DOCK2: variants seen among roughly 807,000 people sequenced by gnomAD.
The protein encoded by DOCK2 is dedicator of cytokinesis protein 2.
A neutral mutation model predicts 248.9 loss-of-function variants in DOCK2; 87 were observed. That is an observed-to-expected ratio of 0.35 (90% CI 0.29 to 0.42). The LOEUF is 0.42. Among genes scored for constraint, DOCK2 ranks in the 10% least tolerant of loss-of-function variants. The pLI is 1.00. For synonymous variants in DOCK2, 805 were observed against 821.6 expected (o/e 0.98, Z 0.35); for missense variants, 1,747 against 2,300.2 (o/e 0.76, Z 4.92).
chr5:169,826,630 C>A (rs1210079425), intron 26 of DOCK2, among the ~76,000 whole-genome samples: 2 of 151,920 alleles, frequency 1.3e-5, no homozygotes, highest in Admixed American at 1.3e-4. Context: ...TGACTCACTG[C>A]GAGTGAGACT....
intron 27 of DOCK2, among the ~76,000 whole-genome samples, chr5:169,903,520 AG>A (rs1774076027): frequency 1.1e-5 from 1 of 89,452 alleles, no homozygotes; most frequent in South Asian, 4.2e-4. Flanking sequence ...AGTAGGAGCC[AG>A]CGGGGGCCGG....
At chr5:169,643,955 G>T (rs1757299892) in intron 1 of DOCK2, among the ~76,000 whole-genome samples, 1 of 152,188 alleles carries the variant, frequency 6.6e-6, no homozygotes, top group South Asian at 2.1e-4. Context: ...TGGAAAGTGG[G>T]TTTTTGCTGC....
intron 44 of DOCK2, among the ~76,000 whole-genome samples, chr5:170,062,919 C>A (rs1334087048): frequency 6.6e-6 from 1 of 152,142 alleles, no homozygotes; most frequent in African/African-American, 2.4e-5. Flanking sequence ...AAATATTAAC[C>A]CACTGGCAGC....
chr5:169,651,474 C>A (rs1757801032), intron 1 of DOCK2, among the ~76,000 whole-genome samples: 1 of 152,146 alleles, frequency 6.6e-6, no homozygotes, highest in South Asian at 2.1e-4. Context: ...AGGAGCTGGT[C>A]ACGGAGTAAC....
intron 13 of DOCK2, among the ~76,000 whole-genome samples, chr5:169,700,943 GAGAAAGAA>G (rs34443091): frequency 3.3e-5 from 5 of 150,270 alleles, no homozygotes; most frequent in Non-Finnish European, 5.9e-5. Context: ...AAAAGAAGGA[GAGAAAGAA>G]AGAAAGAAAG....
At chr5:169,690,885 G>A (rs1037997337) in intron 9 of DOCK2, among the ~76,000 whole-genome samples, 11 of 152,308 alleles carry the variant, frequency 7.2e-5, no homozygotes, top group African/African-American at 2.6e-4. Flanking sequence ...GAGAGCCTTG[G>A]TTGACAGGCT....
chr5:169,676,013 T>A (rs190743796), intron 6 of DOCK2, among the ~76,000 whole-genome samples: 1 of 152,330 alleles, frequency 6.6e-6, no homozygotes, highest in Non-Finnish European at 1.5e-5. Flanking sequence ...TGTCTTTAGC[T>A]GAGCACAGTT....
At chr5:169,997,560 G>A (rs1218490959) in intron 30 of DOCK2, among the ~76,000 whole-genome samples, 1 of 138,272 alleles carries the variant, frequency 7.2e-6, no homozygotes, top group African/African-American at 2.8e-5. Flanking sequence ...CAGTTTTTGT[G>A]TCCCTGGGTA....
At chr5:170,026,030 C>T (rs1331936218) in intron 33 of DOCK2, among the ~76,000 whole-genome samples, 1 of 151,976 alleles carries the variant, frequency 6.6e-6, no homozygotes. Flanking sequence ...GGTATATCTC[C>T]TTCAATAAGT....
intron 27 of DOCK2, among the ~76,000 whole-genome samples, chr5:169,919,368 T>C (rs1387705379): frequency 6.6e-6 from 1 of 152,136 alleles, no homozygotes; most frequent in East Asian, 1.9e-4. Flanking sequence ...CTTCCCTCCA[T>C]AGATGGAAAT....
At chr5:169,759,577 T>A in intron 23 of DOCK2, 128 bp from the exon 24 acceptor site, 2 of 992,570 alleles carry the variant, frequency 2.0e-6, no homozygotes, top group East Asian at 5.2e-5. Context: ...GAGGCTTCCA[T>A]CAATATTGTA....
At chr5:169,851,834 C>G (rs918299119) in intron 27 of DOCK2, among the ~76,000 whole-genome samples, 10 of 152,138 alleles carry the variant, frequency 6.6e-5, no homozygotes, top group African/African-American at 2.4e-4. Context: ...AAGTCACTCA[C>G]TAGCATGAGA....
intron 26 of DOCK2, among the ~76,000 whole-genome samples, chr5:169,822,654 C>T (rs987258625): frequency 6.6e-6 from 1 of 152,002 alleles, no homozygotes; most frequent in South Asian, 2.1e-4. Flanking sequence ...TAAATGCCCA[C>T]AAGAGAAAGC....
chr5:169,961,424 A>G (rs978733405), intron 27 of DOCK2, among the ~76,000 whole-genome samples: 5 of 152,236 alleles, frequency 3.3e-5, no homozygotes, highest in African/African-American at 1.2e-4. Flanking sequence ...CTCTAACAAC[A>G]GTGCAAGAAT....
At chr5:169,882,777 T>C in intron 27 of DOCK2, 2 of 1,551,684 alleles carry the variant, frequency 1.3e-6, no homozygotes, top group South Asian at 2.4e-5. Context: ...GATTACTTCC[T>C]GGACAATTTG....
intron 27 of DOCK2, among the ~76,000 whole-genome samples, chr5:169,916,268 T>C (rs542740780): frequency 3.9e-4 from 59 of 152,316 alleles, no homozygotes; most frequent in African/African-American, 1.4e-3. Context: ...ATTCTAGGTG[T>C]GTTTGTCCAA....
rs147019794 is a variant in DOCK2, at chr5:169,790,569, C to A, written c.2555-12489C>A. On this transcript the variant is annotated intron_variant, in intron 25 of 51. Transcript: ENST00000520908. ...TTTGTTTGAATGATGCAGATAATAG[C>A]TTTAAGTCCACTTTATTCCAGCCTG... 3.9e-4 allele frequency among the ~76,000 whole-genome samples: 60 copies of A among 152,312 alleles called. No individual in the cohort carries two copies. The East Asian group carries it at 0.01, about 26-fold the overall frequency.
chr5:169,827,843 T>C (rs576764608), intron 26 of DOCK2, among the ~76,000 whole-genome samples: 77 of 150,610 alleles, frequency 5.1e-4, no homozygotes, highest in Admixed American at 1.5e-3. Context: ...TTGAAATCAT[T>C]GGTGACAATT....
At chr5:169,673,323 C>T (rs1303725869) in intron 5 of DOCK2, among the ~76,000 whole-genome samples, 5 of 152,112 alleles carry the variant, frequency 3.3e-5, no homozygotes, top group East Asian at 3.9e-4. Flanking sequence ...ATTCTTATCA[C>T]TCTGGTCATT....
Sources: gnomAD v4.1 joint callset for allele counts (sites outside exome capture counted in the v4.1 genomes callset) on GRCh38, gnomAD v4.1.1 for gene constraint, MANE v1.5 for transcripts, NCBI Gene and HGNC (gene_info 2026-07-23, HGNC 2026-07-21) for gene names.